ANK2: variants seen among roughly 807,000 people sequenced by gnomAD.
ANK2 encodes the protein ankyrin-2.
A neutral mutation model predicts 360.5 loss-of-function variants in ANK2; 83 were observed. That is an observed-to-expected ratio of 0.23 (90% CI 0.19 to 0.28). The LOEUF is 0.28. Ranked by LOEUF, ANK2 falls within the 10% of genes least tolerant of loss-of-function variation. The pLI is 1.00. For missense variants in ANK2, 4,201 were observed against 4,795.7 expected, an observed-to-expected ratio of 0.88 and a Z score of 3.66; for synonymous variants, 1,740 against 1,759.5, an observed-to-expected ratio of 0.99 and a Z score of 0.28.
chr4:113,374,593 T>A (rs1405255256), intron 45 of ANK2, among the ~76,000 whole-genome samples: 1 of 152,270 alleles, frequency 6.6e-6, no homozygotes, highest in Non-Finnish European at 1.5e-5. Context: ...GATGTAGATA[T>A]TACCAATAGG....
intron 1 of ANK2, among the ~76,000 whole-genome samples, chr4:112,900,990 T>G (rs41446652): frequency 0.036 from 5,467 of 152,312 alleles, 477 homozygotes; most frequent in East Asian, 0.31. Context: ...TTCATGAGGT[T>G]GTTTTGAATA....
chr4:112,864,904 C>T (rs1408067554), intron 1 of ANK2, among the ~76,000 whole-genome samples: 6 of 151,082 alleles, frequency 4.0e-5, no homozygotes, highest in Non-Finnish European at 5.9e-5. Flanking sequence ...TGGTGGTGGG[C>T]GCCTGTAGCT....
In ANK2 at chr4:113,063,760, T is replaced by A. The variant is rs553504662; in HGVS notation, c.84+13948T>A. Among the ~76,000 whole-genome samples, 3 of 152,290 alleles carry A rather than the reference T, an allele frequency of 2.0e-5. No homozygotes were observed. In the East Asian group the frequency reaches 5.8e-4, roughly 29 times the overall value. ...TTCTAAGATAATGAAACTGAACTCT[T>A]AGTGTGAGTTTAGAAGTGAGGCTGA... On this transcript the variant is annotated intron_variant, in intron 1 of 45. Coordinates refer to ENST00000357077, the MANE Select transcript of ANK2 (RefSeq NM_001148.6).
chr4:113,376,040 A>T (rs940719730), intron 45 of ANK2, among the ~76,000 whole-genome samples: 1 of 152,188 alleles, frequency 6.6e-6, no homozygotes, highest in East Asian at 1.9e-4. Context: ...AAATTTTTGC[A>T]TGAGTGAAAA....
At chr4:112,969,448 T>C (rs2038621195) in intron 2 of ANK2, among the ~76,000 whole-genome samples, 2 of 152,190 alleles carry the variant, frequency 1.3e-5, no homozygotes, top group Admixed American at 1.3e-4. Context: ...TTTATGCCAT[T>C]GGCTTCCCCC....
At chr4:113,121,878 C>T (rs2095385687) in intron 1 of ANK2, among the ~76,000 whole-genome samples, 2 of 151,946 alleles carry the variant, frequency 1.3e-5, no homozygotes, top group Non-Finnish European at 2.9e-5. Flanking sequence ...CCACCACATT[C>T]TTCTTGTTCA....
upstream of ANK2, among the ~76,000 whole-genome samples, chr4:112,815,607 A>G (rs1043150300): frequency 6.6e-6 from 1 of 152,196 alleles, no homozygotes; most frequent in Admixed American, 6.5e-5. Context: ...TTGCCAGAGA[A>G]ACCAACCATG....
At chr4:112,863,825 A>C (rs1294205589) in intron 1 of ANK2, among the ~76,000 whole-genome samples, 11 of 152,016 alleles carry the variant, frequency 7.2e-5, no homozygotes, top group Non-Finnish European at 1.6e-4. Context: ...CCCGGCCTAG[A>C]GTGTCTTTAT....
the ANK2 span, among the ~76,000 whole-genome samples, chr4:112,722,807 C>G: frequency 6.6e-6 from 1 of 151,850 alleles, no homozygotes; most frequent in African/African-American, 2.4e-5. Context: ...ATGTGCTTAC[C>G]CCTAGAAAAG....
At chr4:113,306,973 G>A (rs1350019990) in intron 23 of ANK2, among the ~76,000 whole-genome samples, 2 of 152,232 alleles carry the variant, frequency 1.3e-5, no homozygotes, top group African/African-American at 2.4e-5. Flanking sequence ...AGTCTTTGTA[G>A]GATCGTGAGT....
chr4:113,061,308 G>A (rs1364057578), intron 1 of ANK2, among the ~76,000 whole-genome samples: 1 of 152,046 alleles, frequency 6.6e-6, no homozygotes, highest in African/African-American at 2.4e-5. Context: ...AAAAATTACT[G>A]TTGGAATAAT....
chr4:113,286,903 C>T (rs2064914675), intron 18 of ANK2, among the ~76,000 whole-genome samples: 1 of 152,174 alleles, frequency 6.6e-6, no homozygotes, highest in Non-Finnish European at 1.5e-5. Flanking sequence ...CAGAGTGTGA[C>T]ATTGGCTGAA....
intron 2 of ANK2, among the ~76,000 whole-genome samples, chr4:112,970,085 GCAATT>G (rs1410962967): frequency 2.0e-5 from 3 of 151,882 alleles, no homozygotes; most frequent in Middle Eastern, 3.2e-3. Context: ...CCAGGTTCAA[GCAATT>G]CTCCTACCTC....
chr4:112,932,607 TG>T (rs1207638004), intron 2 of ANK2, among the ~76,000 whole-genome samples: 1 of 151,676 alleles, frequency 6.6e-6, no homozygotes, highest in Non-Finnish European at 1.5e-5. Flanking sequence ...TAAGTTTTAG[TG>T]TTAGTCCAAA....
At position 113,213,382 on chromosome 4, in the gene ANK2, T is replaced by A. The variant is rs190471968; in HGVS notation, c.384+14273T>A. On this transcript the variant is annotated intron_variant, in intron 4 of 45. Transcript: ENST00000357077. The stretch of plus-strand genomic sequence containing the variant: ...ATTTTAAGCTGCTATTTAAAAGATA[T>A]CTAATGTTCTTGATTATATGGGCTA... Among the ~76,000 whole-genome samples, 18 of 152,308 alleles carry A rather than the reference T, an allele frequency of 1.2e-4. No homozygotes were observed. The East Asian group carries it at 2.3e-3, about 20-fold the overall frequency.
chr4:112,913,546 T>C (rs2088529351), intron 2 of ANK2, among the ~76,000 whole-genome samples: 1 of 152,246 alleles, frequency 6.6e-6, no homozygotes, highest in Non-Finnish European at 1.5e-5. Flanking sequence ...TTTGAAACTA[T>C]ACATTTTTGG....
chr4:112,802,263 C>T, the ANK2 span, among the ~76,000 whole-genome samples: 4 of 152,134 alleles, frequency 2.6e-5, no homozygotes, highest in Non-Finnish European at 1.5e-5. Context: ...AATTGCTGCT[C>T]TTCTTGCCAA....
intron 23 of ANK2, among the ~76,000 whole-genome samples, chr4:113,306,146 G>A (rs1221799330): frequency 6.6e-6 from 1 of 152,188 alleles, no homozygotes; most frequent in East Asian, 1.9e-4. Flanking sequence ...CCTTTAGGAA[G>A]CCTATATGGA....
the ANK2 span, among the ~76,000 whole-genome samples, chr4:112,754,554 T>C: frequency 9.9e-5 from 15 of 151,224 alleles, no homozygotes; most frequent in African/African-American, 3.6e-4. Flanking sequence ...TTTTAATGAG[T>C]TCCAGGGGCT....
Sources: gnomAD v4.1 joint callset for allele counts (sites outside exome capture counted in the v4.1 genomes callset) on GRCh38, gnomAD v4.1.1 for gene constraint, MANE v1.5 for transcripts, NCBI Gene and HGNC (gene_info 2026-07-23, HGNC 2026-07-21) for gene names.